CYFIP2: variants seen among roughly 807,000 people sequenced by gnomAD.
The protein encoded by CYFIP2 is cytoplasmic FMR1-interacting protein 2.
Under a neutral mutation model 158.7 loss-of-function variants are expected in CYFIP2, and 29 were observed. The ratio of observed to expected loss-of-function variants is 0.18; its 90% CI spans 0.14 to 0.25. CYFIP2 has a LOEUF of 0.25. Ranked by LOEUF, CYFIP2 falls within the 10% of genes least tolerant of loss-of-function variation. The probability of loss-of-function intolerance (pLI) is 1.00; values close to 1 mark genes in which losing one functional copy is unlikely to be tolerated. For missense variants in CYFIP2, 852 were observed against 1,639.5 expected (o/e 0.52, Z 8.29); for synonymous variants, 585 against 617.6 (o/e 0.95, Z 0.78).
chr5:157,322,848 G>C (rs1264003086), intron 15 of CYFIP2: 2 of 1,303,278 alleles, frequency 1.5e-6, no homozygotes, highest in Non-Finnish European at 1.1e-6. Context: ...AATACCTCTT[G>C]CTTTTCTCTC....
In CYFIP2 at chr5:157,317,829, A is replaced by G. The variant is rs140699540; in HGVS notation, c.1357-1933A>G. Among the ~76,000 whole-genome samples, 1,008 of 152,308 alleles carry G rather than the reference A, an allele frequency of 6.6e-3. 15 individuals carry two copies. Among genetic ancestry groups the G allele is most frequent in the African/African-American group, 0.023 (947 of 41,560 alleles). On this transcript the variant is annotated intron_variant, in intron 13 of 30. Transcript: ENST00000620254. ...AACTCCTTACAAAATAGTCCATCAC[A>G]GTCATCATTTGATGAGTTTTGGTAT...
intron 1 of CYFIP2, among the ~76,000 whole-genome samples, chr5:157,270,484 C>T (rs1213822258): frequency 6.6e-6 from 1 of 152,224 alleles, no homozygotes; most frequent in Non-Finnish European, 1.5e-5. Flanking sequence ...GCAGGGCTGA[C>T]CCTCAGAGAA....
intron 23 of CYFIP2, among the ~76,000 whole-genome samples, chr5:157,350,252 T>C (rs1165785106): frequency 2.0e-5 from 3 of 152,266 alleles, no homozygotes; most frequent in Non-Finnish European, 4.4e-5. Flanking sequence ...TTTTATGGTT[T>C]CAGGTCTTAG....
chr5:157,331,416 C>G lies in CYFIP2; in HGVS notation c.2265+566C>G, dbSNP rs1472851277. 3.3e-5 allele frequency among the ~76,000 whole-genome samples: 5 copies of G among 150,212 alleles called. No individual in the cohort carries two copies. In the East Asian group the frequency reaches 9.7e-4, roughly 29 times the overall value. The stretch of plus-strand genomic sequence containing the variant: ...GATGCCCCAGCAGATGTCGAGCCCT[C>G]CTCCTACAGCCCTGCTGTTGGCCAA... On this transcript the variant is annotated intron_variant, in intron 20 of 30. Transcript: ENST00000620254.
At chr5:157,280,155 T>G (rs1016440535) in intron 1 of CYFIP2, among the ~76,000 whole-genome samples, 1 of 152,200 alleles carries the variant, frequency 6.6e-6, no homozygotes, top group Admixed American at 6.6e-5. Flanking sequence ...GGTACTATTA[T>G]GCTACAGAGG....
chr5:157,266,838 G>C lies in CYFIP2; in HGVS notation c.-24+643G>C, dbSNP rs377485376. 1 of 153,000 alleles carries C rather than the reference G, an allele frequency of 6.5e-6. No individual in the cohort carries two copies. Among genetic ancestry groups the C allele is most frequent in the South Asian group, 2.1e-4 (1 of 4,834 alleles). 9.5% of individuals were successfully genotyped at this position (153,000 alleles called of 1,614,324 possible). A position where few individuals can be genotyped will look rare whatever the true frequency, so the allele number is the denominator to read the frequency against. The stretch of plus-strand genomic sequence containing the variant: ...AGCTGGCTGCGGGCACGGTGGAAGT[G>C]GGGGAAGGGGATGAGTGGGCTGACT... On this transcript the variant is annotated intron_variant, in intron 1 of 30. Coordinates refer to ENST00000620254, the MANE Select transcript of CYFIP2 (RefSeq NM_001037333.3). This position sits in a 1 kb window ranked among gnomAD's most constrained non-coding sequence, Gnocchi z 4.2.
At chr5:157,290,279 C>T (rs1430821054) in intron 3 of CYFIP2, among the ~76,000 whole-genome samples, 1 of 152,240 alleles carries the variant, frequency 6.6e-6, no homozygotes, top group Non-Finnish European at 1.5e-5. Context: ...AGGGTGCCAG[C>T]AGGGCCGCAT....
rs528575332 is a variant in CYFIP2, at chr5:157,393,150, G to A, written c.*150G>A. ...CAAACACATCACCACTCCCTAGGGC[G>A]GGGCCTGTGCATGCTCTCCCATGAC... On this transcript the variant is annotated 3_prime_UTR_variant, in exon 31 of 31. Transcript: ENST00000620254. 1.7e-5 allele frequency: 13 copies of A among 776,874 alleles called. No individual in the cohort carries two copies. Among genetic ancestry groups the A allele is most frequent in the Middle Eastern group, 3.8e-4 (1 of 2,598 alleles). The allele number at this position is 776,874 out of a possible 1,614,324, so 48.1% of individuals were successfully genotyped here. A position where few individuals can be genotyped will look rare whatever the true frequency, so the allele number is the denominator to read the frequency against.
At chr5:157,322,920 T>C in intron 15 of CYFIP2, 1 of 1,532,884 alleles carries the variant, frequency 6.5e-7, no homozygotes, top group Non-Finnish European at 8.7e-7. Context: ...TCCCTCTTCC[T>C]TCTCTCCTAT....
Position 157,302,852 on chromosome 5 carries a change from C to G in CYFIP2, c.628C>G (p.Leu210Val). ...CCAGTCTATCCAGGAGTCGCAGAAC[C>G]TTTCCATGTTCCTGGCCAACCACAA... Reference protein sequence around the residue: ...DPQSIQESQNLSMFLANHNRI... With the variant: ...DPQSIQESQNVSMFLANHNRI... The change falls in exon 7 of 31, where the codon CTT becomes GTT. Residue 210 changes from leucine (L) to valine (V), a missense_variant. Around this residue, in one of 8 missense-constraint regions of CYFIP2, gnomAD observed 123 missense variants for 316.7 expected, o/e 0.39. Transcript: ENST00000620254. The G allele has an allele frequency of 6.3e-7, 1 of 1,586,570 alleles. No homozygotes were observed. Among genetic ancestry groups the G allele is most frequent in the Non-Finnish European group, 8.6e-7 (1 of 1,166,060 alleles).
chr5:157,369,879 G>GTTTTTTTTTTT (rs1554120265), intron 26 of CYFIP2, among the ~76,000 whole-genome samples: 1 of 103,288 alleles, frequency 9.7e-6, no homozygotes, highest in African/African-American at 4.1e-5. Context: ...AATGGACCTA[G>GTTTTTTTTTTT]TTTTTTTTTT....
chr5:157,391,222 C>T (rs978009608), intron 30 of CYFIP2, among the ~76,000 whole-genome samples: 6 of 152,014 alleles, frequency 3.9e-5, no homozygotes, highest in Non-Finnish European at 5.9e-5. Flanking sequence ...GGCAGGAAGG[C>T]GGATCGAAGG....
chr5:157,294,752 C>A, intron 3 of CYFIP2, 31 bp from the exon 4 acceptor site: 3 of 1,606,600 alleles, frequency 1.9e-6, no homozygotes, highest in Non-Finnish European at 2.6e-6. Flanking sequence ...CCGTCTTGTT[C>A]CTCCCTGCTG....
chr5:157,322,502 G>C (rs936491779), intron 15 of CYFIP2, among the ~76,000 whole-genome samples: 4 of 152,242 alleles, frequency 2.6e-5, no homozygotes, highest in African/African-American at 9.6e-5. Context: ...CAACAGATTA[G>C]ACTTGGATTC....
chr5:157,284,646 A>G (rs1011035308), intron 1 of CYFIP2, among the ~76,000 whole-genome samples: 5 of 152,212 alleles, frequency 3.3e-5, no homozygotes, highest in African/African-American at 1.2e-4. Flanking sequence ...TTCAGCTTCT[A>G]ATCCTGCCAA....
chr5:157,375,503 C>T (rs537860332), intron 26 of CYFIP2, among the ~76,000 whole-genome samples: 1 of 152,122 alleles, frequency 6.6e-6, no homozygotes, highest in Non-Finnish European at 1.5e-5. Context: ...TCAAGTCTTG[C>T]CTCTATACTG....
intron 26 of CYFIP2, among the ~76,000 whole-genome samples, chr5:157,370,859 G>T (rs735748): frequency 0.32 from 49,382 of 152,166 alleles, 8,216 homozygotes; most frequent in Non-Finnish European, 0.36. Flanking sequence ...TTCAGGGGAC[G>T]GAGGAAGGGG....
At chr5:157,298,089 T>A (rs1758401159) in intron 5 of CYFIP2, among the ~76,000 whole-genome samples, 1 of 152,186 alleles carries the variant, frequency 6.6e-6, no homozygotes, top group Non-Finnish European at 1.5e-5. Flanking sequence ...ATCGGGGCCA[T>A]CATTTCTCCT....
At chr5:157,344,118 A>C (rs1231596824) in intron 23 of CYFIP2, among the ~76,000 whole-genome samples, 1 of 151,976 alleles carries the variant, frequency 6.6e-6, no homozygotes, top group East Asian at 1.9e-4. Context: ...TCTCACCCCA[A>C]AGCTTCTGCT....
Sources: gnomAD v4.1 joint callset for allele counts (sites outside exome capture counted in the v4.1 genomes callset) on GRCh38, gnomAD v4.1.1 for gene constraint, gnomAD v4.1.1 regional missense constraint, Gnocchi (gnomAD v3.1) non-coding constraint, MANE v1.5 for transcripts, NCBI Gene and HGNC (gene_info 2026-07-23, HGNC 2026-07-21) for gene names.